WNT9A: variants seen among roughly 807,000 people sequenced by gnomAD.
The protein encoded by WNT9A is protein Wnt-9a.
A neutral mutation model predicts 31.4 loss-of-function variants in WNT9A; 8 were observed. The ratio of observed to expected loss-of-function variants is 0.26; its 90% confidence interval spans 0.15 to 0.46. The LOEUF (loss-of-function observed/expected upper bound fraction) is 0.46, where lower values mean the gene tolerates loss of function less well. WNT9A is among the 20% of genes least tolerant of loss of function. WNT9A has a pLI of 0.99. For missense variants in WNT9A, 457 were observed against 522.9 expected (o/e 0.87, Z 1.23); for synonymous variants, 236 against 220.1 (o/e 1.07, Z -0.64).
chr1:227,943,642 G>GT (rs1168868492), intron 1 of WNT9A, among the ~76,000 whole-genome samples: 1 of 152,172 alleles, frequency 6.6e-6, no homozygotes, highest in Non-Finnish European at 1.5e-5. Context: ...CGGCAGAAAT[G>GT]TAAGATGCTG....
intron 3 of WNT9A, among the ~76,000 whole-genome samples, 168 bp from the exon 4 acceptor site, chr1:227,922,168 C>G (rs979190309): frequency 1.3e-5 from 2 of 152,182 alleles, no homozygotes; most frequent in Admixed American, 1.3e-4. Context: ...TCTCCCGGCT[C>G]GTAGCATTGT....
At chr1:227,941,916 G>C (rs962477691) in intron 1 of WNT9A, among the ~76,000 whole-genome samples, 1 of 152,120 alleles carries the variant, frequency 6.6e-6, no homozygotes, top group Non-Finnish European at 1.5e-5. Flanking sequence ...CTGTCAACAG[G>C]TGTCGCTTTC....
chr1:227,924,606 G>A (rs1237377749), intron 2 of WNT9A, among the ~76,000 whole-genome samples: 1 of 152,072 alleles, frequency 6.6e-6, no homozygotes, highest in African/African-American at 2.4e-5. Context: ...GGGCTGGCTG[G>A]GGGGAGAAAC....
intron 1 of WNT9A, among the ~76,000 whole-genome samples, chr1:227,946,640 A>G (rs1241357238): frequency 1.3e-5 from 2 of 152,272 alleles, no homozygotes; most frequent in Non-Finnish European, 2.9e-5. Flanking sequence ...GAAGAAAGGG[A>G]GAGAAAGAAA....
At chr1:227,945,376 G>T (rs1666778265) in intron 1 of WNT9A, among the ~76,000 whole-genome samples, 1 of 152,206 alleles carries the variant, frequency 6.6e-6, no homozygotes, top group African/African-American at 2.4e-5. Flanking sequence ...GCAGGGCCAG[G>T]CCAAGGGGAG....
At position 227,920,163 on chromosome 1, in the gene WNT9A, CAGGGGCCGCCGG is replaced by C. The variant is rs1666285339; in HGVS notation, c.*1343_*1354del. On this transcript the variant is annotated 3_prime_UTR_variant, in exon 4 of 4. Transcript: ENST00000272164. ...GGGCGTCTGCCCACAGGGTGCAGGGCAGGGGCCGCCGGCTGGCCCACCACGTGGCAGTGGCTG... is the reference window on the plus strand; with the variant it reads ...GGGCGTCTGCCCACAGGGTGCAGGGCCTGGCCCACCACGTGGCAGTGGCTG... The C allele has an allele frequency of 6.6e-6, 1 of 152,324 alleles. No individual in the cohort carries two copies. The highest frequency in any genetic ancestry group is 6.5e-5 in the Admixed American group (1 of 15,292). The allele number at this position is 152,324 out of a possible 1,614,324, so 9.4% of individuals were successfully genotyped here.
In WNT9A at chr1:227,925,279, G is replaced by A. The variant is rs1558259471; in HGVS notation, c.336C>T (p.Ala112=). 1 of 1,567,120 alleles carries A rather than the reference G, an allele frequency of 6.4e-7. No homozygotes were observed. The highest frequency in any genetic ancestry group is 2.4e-5 in the East Asian group (1 of 42,314). ...WNCTLEGRYR[A]SLLKRGFKET... Reference sequence around the variant, plus strand: ...CACACTCACCTCGCTTGAGCAGGCTGGCCCGGTAGCGGCCCTCCAGCGTGC... The same window carrying A: ...CACACTCACCTCGCTTGAGCAGGCTAGCCCGGTAGCGGCCCTCCAGCGTGC... The change falls in exon 2 of 4, where the codon GCC becomes GCT. Residue 112 remains alanine (A), a synonymous_variant. Coordinates refer to ENST00000272164, the MANE Select transcript of WNT9A (RefSeq NM_003395.4). This position sits in a 1 kb window ranked among gnomAD's most constrained non-coding sequence, Gnocchi z 6.0.
intron 1 of WNT9A, among the ~76,000 whole-genome samples, chr1:227,938,496 C>T (rs937122951): frequency 6.6e-6 from 1 of 152,020 alleles, no homozygotes; most frequent in African/African-American, 2.4e-5. Context: ...CACCCACACA[C>T]ACAGATACAC....
At chr1:227,936,946 C>T (rs182900518) in intron 1 of WNT9A, among the ~76,000 whole-genome samples, 107 of 152,318 alleles carry the variant, frequency 7.0e-4, no homozygotes, top group Non-Finnish European at 1.0e-3. Context: ...GTCCCACTCC[C>T]GCACCCTTCT....
rs1431738340 is a variant in WNT9A at position 227,932,564 on chromosome 1, G to A, written c.96-7045C>T. Among the ~76,000 whole-genome samples the A allele has an allele frequency of 2.0e-5, 3 of 152,276 alleles. No homozygotes were observed. The East Asian group carries it at 5.8e-4, about 29-fold the overall frequency. On this transcript the variant is annotated intron_variant, in intron 1 of 3. Coordinates refer to ENST00000272164, the MANE Select transcript of WNT9A (RefSeq NM_003395.4). ...CTAGAATGGTGAATCCTTTCCAGCAGGTTTTCAATAGACTTTTCCTAGATC... is the reference window on the plus strand; with the variant it reads ...CTAGAATGGTGAATCCTTTCCAGCAAGTTTTCAATAGACTTTTCCTAGATC...
intron 1 of WNT9A, among the ~76,000 whole-genome samples, chr1:227,929,208 T>C (rs933885764): frequency 2.6e-5 from 4 of 151,456 alleles, no homozygotes; most frequent in Non-Finnish European, 5.9e-5. Context: ...GACGGGAGGG[T>C]TGTTTGAGCC....
chr1:227,929,049 A>G (rs1391166713), intron 1 of WNT9A, among the ~76,000 whole-genome samples: 1 of 152,074 alleles, frequency 6.6e-6, no homozygotes, highest in Admixed American at 6.5e-5. Context: ...CTATAAACCA[A>G]TAACAAAGGA....
In WNT9A at chr1:227,928,301, G is replaced by A. The variant is rs976439277; in HGVS notation, c.96-2782C>T. On this transcript the variant is annotated intron_variant, in intron 1 of 3. Coordinates refer to ENST00000272164, the MANE Select transcript of WNT9A (RefSeq NM_003395.4). The surrounding 1 kb of genome is among the most constrained non-coding windows in gnomAD (Gnocchi z 4.5). ...TATCAGAGGCAACTCCCTAAACGCA[G>A]CTACGGGTGACTGACCCTGATCCAA... Among the ~76,000 whole-genome samples, 4 of 150,106 alleles carry A rather than the reference G, an allele frequency of 2.7e-5. No individual in the cohort carries two copies. Among genetic ancestry groups the A allele is most frequent in the Non-Finnish European group, 4.4e-5 (3 of 67,448 alleles).
rs1268907774 is a variant in WNT9A at position 227,925,965 on chromosome 1, G to A, written c.96-446C>T. On this transcript the variant is annotated intron_variant, in intron 1 of 3. Transcript: ENST00000272164. This position sits in a 1 kb window ranked among gnomAD's most constrained non-coding sequence, Gnocchi z 6.0. Reference sequence around the variant, plus strand: ...CTCTTTGGCCCCAGCTGACCCGCAGGATCCCGCCTGAGGTCCCCCTACCCT... The same window carrying A: ...CTCTTTGGCCCCAGCTGACCCGCAGAATCCCGCCTGAGGTCCCCCTACCCT... 6.6e-6 allele frequency among the ~76,000 whole-genome samples: 1 copy of A among 151,986 alleles called. No homozygotes were observed. The highest frequency in any genetic ancestry group is 1.9e-4 in the East Asian group (1 of 5,164).
rs149027505 is a variant in WNT9A at position 227,926,483 on chromosome 1, C to T, written c.96-964G>A. On this transcript the variant is annotated intron_variant, in intron 1 of 3. Coordinates refer to ENST00000272164, the MANE Select transcript of WNT9A (RefSeq NM_003395.4). This position sits in a 1 kb window ranked among gnomAD's most constrained non-coding sequence, Gnocchi z 5.0. ...AAGAGCCCTCAACCCCAAACCCTGA[C>T]CCCGACCCCATGTCACCTGTCTATC... Among the ~76,000 whole-genome samples, 1,212 of 152,180 alleles carry T rather than the reference C, an allele frequency of 8.0e-3. 16 individuals carry two copies. The highest frequency in any genetic ancestry group is 0.027 in the African/African-American group (1,137 of 41,514).
intron 1 of WNT9A, among the ~76,000 whole-genome samples, chr1:227,934,202 A>G (rs568725512): frequency 6.6e-6 from 1 of 152,186 alleles, no homozygotes; most frequent in Non-Finnish European, 1.5e-5. Context: ...TTGGGTATAC[A>G]CCTGGGAGTG....
intron 1 of WNT9A, among the ~76,000 whole-genome samples, chr1:227,931,907 G>A (rs1329155956): frequency 2.8e-5 from 4 of 144,078 alleles, no homozygotes; most frequent in South Asian, 4.3e-4. Context: ...ATCTTTAGTA[G>A]AGACAGGGTT....
chr1:227,933,160 T>C (rs896165511), intron 1 of WNT9A, among the ~76,000 whole-genome samples: 6 of 152,252 alleles, frequency 3.9e-5, no homozygotes, highest in African/African-American at 1.2e-4. Context: ...GCCCCCTTCA[T>C]CATTGATCTT....
intron 1 of WNT9A, among the ~76,000 whole-genome samples, chr1:227,931,048 T>G (rs1328932536): frequency 6.6e-6 from 1 of 151,852 alleles, no homozygotes; most frequent in Non-Finnish European, 1.5e-5. Context: ...CATCCCTACA[T>G]CTTTTGAGGT....
Sources: allele counts gnomAD v4.1 joint callset (sites outside exome capture counted in the v4.1 genomes callset), GRCh38; gene constraint gnomAD v4.1.1; non-coding constraint Gnocchi (gnomAD v3.1); transcripts MANE v1.5; gene names NCBI Gene and HGNC (gene_info 2026-07-23, HGNC 2026-07-21).